Variants in SMARCC1 observed in about 807,000 individuals in gnomAD.
SMARCC1 encodes SWI/SNF related BAF chromatin remodeling complex subunit C1.
A neutral mutation model predicts 147.4 loss-of-function variants in SMARCC1; 43 were observed. That is an observed-to-expected ratio of 0.29 (90% confidence interval 0.23 to 0.38). The LOEUF (loss-of-function observed/expected upper bound fraction) is 0.38, where lower values mean the gene tolerates loss of function less well. Among genes scored for constraint, SMARCC1 ranks in the 10% least tolerant of loss-of-function variants. The pLI is 1.00. For missense variants in SMARCC1, 1,119 were observed against 1,381.1 expected, an observed-to-expected ratio of 0.81 and a Z score of 3.01; for synonymous variants, 495 against 484.4, an observed-to-expected ratio of 1.02 and a Z score of -0.29.
intron 26 of SMARCC1, among the ~76,000 whole-genome samples, chr3:47,607,360 A>T (rs2032491860): frequency 6.6e-6 from 1 of 152,200 alleles, no homozygotes; most frequent in Non-Finnish European, 1.5e-5. Flanking sequence ...AACTACTAAA[A>T]CTACAGCCTA....
At chr3:47,665,647 C>A (rs993794183) in intron 19 of SMARCC1, among the ~76,000 whole-genome samples, 2 of 152,018 alleles carry the variant, frequency 1.3e-5, no homozygotes, top group African/African-American at 4.8e-5. Flanking sequence ...AGCCTAGGAA[C>A]TGATAATAAT....
chr3:47,689,483 T>G, intron 12 of SMARCC1, 59 bp from the exon 13 acceptor site: 1 of 1,450,154 alleles, frequency 6.9e-7, no homozygotes, highest in Non-Finnish European at 9.7e-7. Context: ...TTGGGTTATT[T>G]GGAAAATTAA....
intron 2 of SMARCC1, among the ~76,000 whole-genome samples, chr3:47,761,219 T>G (rs2034769985): frequency 6.6e-6 from 1 of 152,084 alleles, no homozygotes; most frequent in African/African-American, 2.4e-5. Context: ...GGTGGATCAG[T>G]TGATCCCTGG....
At chr3:47,777,082 ATATT>A (rs2034983484) in intron 1 of SMARCC1, among the ~76,000 whole-genome samples, 1 of 141,610 alleles carries the variant, frequency 7.1e-6, no homozygotes, top group Non-Finnish European at 1.5e-5. Context: ...CCTCAGGTAA[ATATT>A]TATTTTTTTT....
Position 47,697,809 on chromosome 3 carries a change from C to T in SMARCC1, c.1165+3469G>A, listed in dbSNP as rs532256237. Among the ~76,000 whole-genome samples the T allele has an allele frequency of 6.2e-4, 93 of 150,960 alleles. 3 individuals carry two copies. The highest frequency in any genetic ancestry group is 3.4e-4 in the Non-Finnish European group (23 of 67,668). Reference sequence around the variant, plus strand: ...GATCATGAGGTCAGGAGATCGAGACCATCCTGGCTAACATGGTGAAACCCC... The same window carrying T: ...GATCATGAGGTCAGGAGATCGAGACTATCCTGGCTAACATGGTGAAACCCC... On this transcript the variant is annotated intron_variant, in intron 11 of 27. Transcript: ENST00000254480.
At chr3:47,754,369 AT>A (rs1194864738) in intron 2 of SMARCC1, among the ~76,000 whole-genome samples, 1 of 151,896 alleles carries the variant, frequency 6.6e-6, no homozygotes, top group African/African-American at 2.4e-5. Flanking sequence ...CGCCCAGCTA[AT>A]TTTTGTATTT....
At chr3:47,605,952 T>C (rs2032467677) in intron 26 of SMARCC1, among the ~76,000 whole-genome samples, 2 of 151,476 alleles carry the variant, frequency 1.3e-5, no homozygotes, top group Admixed American at 1.3e-4. Flanking sequence ...TACACATGAA[T>C]ATTCTCTGTT....
At chr3:47,659,296 A>C (rs1292098376) in intron 21 of SMARCC1, among the ~76,000 whole-genome samples, 1 of 151,242 alleles carries the variant, frequency 6.6e-6, no homozygotes, top group Non-Finnish European at 1.5e-5. Flanking sequence ...AAAAAAAGAA[A>C]AAAAAAAGAA....
chr3:47,618,834 C>A (rs1209494795), intron 25 of SMARCC1, among the ~76,000 whole-genome samples: 1 of 152,052 alleles, frequency 6.6e-6, no homozygotes, highest in Non-Finnish European at 1.5e-5. Context: ...GAGCTCCTTG[C>A]CAAACTAGAT....
At chr3:47,696,907 C>A (rs180941875) in intron 11 of SMARCC1, among the ~76,000 whole-genome samples, 1 of 152,178 alleles carries the variant, frequency 6.6e-6, no homozygotes, top group Admixed American at 6.5e-5. Context: ...TTAGCCCAGG[C>A]TGCAGTGCAG....
At chr3:47,724,087 A>G (rs2106814452) in intron 6 of SMARCC1, among the ~76,000 whole-genome samples, 1 of 152,354 alleles carries the variant, frequency 6.6e-6, no homozygotes, top group East Asian at 1.9e-4. Flanking sequence ...TGTAGCAGCT[A>G]TGAAAGGGTC....
Position 47,781,636 on chromosome 3 carries a change from C to T in SMARCC1, c.162G>A (p.Ser54=). 6.4e-7 allele frequency: 1 copy of T among 1,555,302 alleles called. No individual in the cohort carries two copies. Among genetic ancestry groups the T allele is most frequent in the Non-Finnish European group, 8.7e-7 (1 of 1,155,028 alleles). ...ESPETVSQLD[S]VRVWLGKHYK... ...AGTGCTTGCCCAGCCAGACCCGCACCGAATCCAGCTGGGACACCGTCTCCG... is the reference window on the plus strand; with the variant it reads ...AGTGCTTGCCCAGCCAGACCCGCACTGAATCCAGCTGGGACACCGTCTCCG... The change falls in exon 1 of 28, where the codon TCG becomes TCA. Residue 54 remains serine, a synonymous_variant. Transcript: ENST00000254480.
At chr3:47,748,517 C>T (rs2034592230) in intron 2 of SMARCC1, among the ~76,000 whole-genome samples, 1 of 90,362 alleles carries the variant, frequency 1.1e-5, no homozygotes, top group African/African-American at 4.4e-5. Flanking sequence ...AGCCACCGCA[C>T]CCGGCCTATT....
chr3:47,769,576 C>T (rs564735902), intron 2 of SMARCC1, among the ~76,000 whole-genome samples: 29 of 152,112 alleles, frequency 1.9e-4, no homozygotes, highest in African/African-American at 7.0e-4. Context: ...ATCCCATCCT[C>T]CCCCACTTAG....
At chr3:47,699,738 TAC>T (rs932317543) in intron 11 of SMARCC1, among the ~76,000 whole-genome samples, 5 of 152,176 alleles carry the variant, frequency 3.3e-5, no homozygotes, top group Non-Finnish European at 5.9e-5. Context: ...AGATAAATCA[TAC>T]AGACTTATCA....
intron 23 of SMARCC1, 27 bp downstream of exon 23, chr3:47,635,994 TA>T (rs2032963493): frequency 7.5e-6 from 8 of 1,061,270 alleles, no homozygotes; most frequent in Non-Finnish European, 1.1e-5. Context: ...TTTTACATAA[TA>T]ATATCTAAGG....
intron 21 of SMARCC1, among the ~76,000 whole-genome samples, chr3:47,653,079 T>A (rs2033213240): frequency 6.6e-6 from 1 of 150,806 alleles, no homozygotes; most frequent in Non-Finnish European, 1.5e-5. Context: ...GGCCTCAGCC[T>A]CCCGAGTAGC....
At chr3:47,608,751 A>G (rs1279728469) in intron 26 of SMARCC1, among the ~76,000 whole-genome samples, 1 of 148,762 alleles carries the variant, frequency 6.7e-6, no homozygotes, top group East Asian at 2.1e-4. Flanking sequence ...CAGGAGGCTG[A>G]GATGGGAGGA....
chr3:47,622,982 T>C (rs1438491840), intron 24 of SMARCC1, among the ~76,000 whole-genome samples: 1 of 152,150 alleles, frequency 6.6e-6, no homozygotes, highest in Non-Finnish European at 1.5e-5. Context: ...ACATTACTTA[T>C]ATCTGCTTAA....
Sources: gnomAD v4.1 joint callset for allele counts (sites outside exome capture counted in the v4.1 genomes callset) on GRCh38, gnomAD v4.1.1 for gene constraint, MANE v1.5 for transcripts, NCBI Gene and HGNC (gene_info 2026-07-23, HGNC 2026-07-21) for gene names.